The following NEDD4L variants were observed in gnomAD, a reference collection of about 807,000 sequenced individuals.
NEDD4L encodes the protein E3 ubiquitin-protein ligase NEDD4-like.
Under a neutral mutation model 148.9 loss-of-function variants are expected in NEDD4L, and 54 were observed. The observed-to-expected ratio is 0.36, with a 90% CI of 0.29 to 0.45. The LOEUF is 0.45. Ranked by LOEUF, NEDD4L falls within the 20% of genes least tolerant of loss-of-function variation. NEDD4L has a pLI of 1.00. For synonymous variants in NEDD4L, 433 were observed against 440.7 expected, an observed-to-expected ratio of 0.98 and a Z score of 0.22; for missense variants, 856 against 1,233.8, an observed-to-expected ratio of 0.69 and a Z score of 4.59.
intron 5 of NEDD4L, among the ~76,000 whole-genome samples, chr18:58,279,908 CA>C (rs2052745728): frequency 1.3e-5 from 2 of 152,136 alleles, no homozygotes; most frequent in African/African-American, 2.4e-5. Context: ...GGATGTTGAG[CA>C]GAGAAAAAGC....
intron 2 of NEDD4L, among the ~76,000 whole-genome samples, chr18:58,203,536 C>A (rs887840330): frequency 6.6e-6 from 1 of 151,704 alleles, no homozygotes; most frequent in Non-Finnish European, 1.5e-5. Context: ...AAGAGTTGAG[C>A]ATAACAATAT....
rs58442069 is a variant in NEDD4L at position 58,276,212 on chromosome 18, T to TGGG, written c.297+24159_297+24161dup. Among the ~76,000 whole-genome samples the TGGG allele has an allele frequency of 7.6e-3, 782 of 103,276 alleles. 14 individuals carry two copies. The highest frequency in any genetic ancestry group is 0.025 in the African/African-American group (700 of 27,550). 67.8% of individuals were successfully genotyped at this position (103,276 alleles called of 152,430 possible). A position where few individuals can be genotyped will look rare whatever the true frequency, so the allele number is the denominator to read the frequency against. ...CTTTTTCGTTTTTTTTTTTTTTTTT[T>TGGG]GGGTGGGGAGGGGGGTGGTTTTCTG... On this transcript the variant is annotated intron_variant, in intron 5 of 30. Transcript: ENST00000400345.
rs117287498 is a variant in NEDD4L at position 58,188,116 on chromosome 18, G to C, written c.122+22255G>C. 5.0e-4 allele frequency among the ~76,000 whole-genome samples: 76 copies of C among 152,316 alleles called. No homozygotes were observed. The East Asian group carries it at 0.012, about 23-fold the overall frequency. On this transcript the variant is annotated intron_variant, in intron 2 of 30. Coordinates refer to ENST00000400345, the MANE Select transcript of NEDD4L (RefSeq NM_001144967.3). Reference sequence around the variant, plus strand: ...CCTTCCAAGGGGATGTGCGGCCAACGCCTCTGTTCAGCGATAGTCCAGCTG... The same window carrying C: ...CCTTCCAAGGGGATGTGCGGCCAACCCCTCTGTTCAGCGATAGTCCAGCTG...
chr18:58,320,194 C>G (rs1300636128), intron 6 of NEDD4L, among the ~76,000 whole-genome samples: 3 of 152,234 alleles, frequency 2.0e-5, no homozygotes, highest in Non-Finnish European at 4.4e-5. Context: ...CTCATGCCCA[C>G]TGGTGATCCT....
intron 1 of NEDD4L, among the ~76,000 whole-genome samples, chr18:58,048,620 A>G (rs2081706763): frequency 6.6e-6 from 1 of 152,226 alleles, no homozygotes; most frequent in South Asian, 2.1e-4. Context: ...ATTATTTAAG[A>G]TAATGTAAGA....
intron 30 of NEDD4L, among the ~76,000 whole-genome samples, chr18:58,392,893 T>C (rs2050018198): frequency 6.6e-6 from 1 of 152,226 alleles, no homozygotes; most frequent in Non-Finnish European, 1.5e-5. Flanking sequence ...AGTCATCATC[T>C]GTGGTCAGGC....
intron 9 of NEDD4L, among the ~76,000 whole-genome samples, chr18:58,325,933 C>G (rs949417197): frequency 1.3e-5 from 2 of 151,998 alleles, no homozygotes; most frequent in African/African-American, 4.8e-5. Flanking sequence ...GAATTTTATC[C>G]TAGAAATTAT....
At chr18:58,163,960 G>A (rs1437897451) in intron 1 of NEDD4L, among the ~76,000 whole-genome samples, 7 of 151,766 alleles carry the variant, frequency 4.6e-5, no homozygotes, top group Admixed American at 3.3e-4. Flanking sequence ...GACTAAACAT[G>A]TTGGGTAAAT....
intron 5 of NEDD4L, among the ~76,000 whole-genome samples, chr18:58,263,415 G>T (rs561686349): frequency 1.3e-5 from 2 of 152,064 alleles, no homozygotes; most frequent in Admixed American, 6.6e-5. Context: ...GAGCCTACTT[G>T]CAACCCACAT....
chr18:58,396,313 C>A lies in NEDD4L; in HGVS notation c.*44C>A. On this transcript the variant is annotated 3_prime_UTR_variant, in exon 31 of 31. Coordinates refer to ENST00000400345, the MANE Select transcript of NEDD4L (RefSeq NM_001144967.3). Reference sequence around the variant, plus strand: ...GTGGTTGTTCTTCAAGCAAGTTCTGCTTGCACTTTTGCATTTGCCTAACAG... The same window carrying A: ...GTGGTTGTTCTTCAAGCAAGTTCTGATTGCACTTTTGCATTTGCCTAACAG... 7.3e-7 allele frequency: 1 copy of A among 1,366,108 alleles called. No homozygotes were observed. Among genetic ancestry groups the A allele is most frequent in the Non-Finnish European group, 1.0e-6 (1 of 965,026 alleles). The allele number at this position is 1,366,108 out of a possible 1,614,324, so 84.6% of individuals were successfully genotyped here. A position where few individuals can be genotyped will look rare whatever the true frequency, so the allele number is the denominator to read the frequency against.
At chr18:58,158,308 C>A (rs1483566362) in intron 1 of NEDD4L, among the ~76,000 whole-genome samples, 1 of 152,354 alleles carries the variant, frequency 6.6e-6, no homozygotes, top group Middle Eastern at 3.4e-3. Flanking sequence ...GTGACCTAAT[C>A]TCCAAAGTCA....
At chr18:58,308,886 C>A (rs2057354691) in intron 5 of NEDD4L, among the ~76,000 whole-genome samples, 1 of 152,230 alleles carries the variant, frequency 6.6e-6, no homozygotes, top group Non-Finnish European at 1.5e-5. Flanking sequence ...AGTGTACAAA[C>A]ACCTGCTGAC....
chr18:58,241,831 T>A (rs1376948816), intron 2 of NEDD4L, among the ~76,000 whole-genome samples: 1 of 152,064 alleles, frequency 6.6e-6, no homozygotes, highest in Non-Finnish European at 1.5e-5. Context: ...TTGGAAAGAC[T>A]GAAAGGTAGA....
In NEDD4L at chr18:58,323,339, G is replaced by C; in HGVS notation, c.513+5G>C. 2 of 1,500,250 alleles carry C rather than the reference G, an allele frequency of 1.3e-6. No individual in the cohort carries two copies. The highest frequency in any genetic ancestry group is 1.8e-6 in the Non-Finnish European group (2 of 1,087,078). The allele number at this position is 1,500,250 out of a possible 1,614,324, so 92.9% of individuals were successfully genotyped here. A position where few individuals can be genotyped will look rare whatever the true frequency, so the allele number is the denominator to read the frequency against. ...GACCAGAGGGATGACATGGAGGTAC[G>C]TGGAGGGCGTCAGGCCTCTCTCCTT... On this transcript the variant is annotated splice_donor_5th_base_variant and intron_variant, in intron 8 of 30. Coordinates refer to ENST00000400345, the MANE Select transcript of NEDD4L (RefSeq NM_001144967.3).
chr18:58,128,622 G>A (rs186851765), intron 1 of NEDD4L, among the ~76,000 whole-genome samples: 1 of 152,322 alleles, frequency 6.6e-6, no homozygotes, highest in Non-Finnish European at 1.5e-5. Flanking sequence ...TAGCAGGGAC[G>A]GATGCTGGAA....
At chr18:58,195,256 G>C in intron 2 of NEDD4L, 1 of 431,506 alleles carries the variant, frequency 2.3e-6, no homozygotes, top group Non-Finnish European at 4.0e-6. Context: ...CAAGTTGGCT[G>C]TTATCATAAC....
intron 1 of NEDD4L, among the ~76,000 whole-genome samples, chr18:58,154,907 AAAAC>A (rs2035274923): frequency 6.6e-6 from 1 of 152,258 alleles, no homozygotes; most frequent in Admixed American, 6.5e-5. Context: ...TGTAAATAGA[AAAAC>A]AAAAGTGATG....
intron 1 of NEDD4L, among the ~76,000 whole-genome samples, chr18:58,048,216 A>G (rs1344552947): frequency 6.6e-6 from 1 of 152,140 alleles, no homozygotes; most frequent in Non-Finnish European, 1.5e-5. Context: ...AGATCTGCTT[A>G]TAGGTGCCAG....
chr18:58,082,636 G>C (rs997173842), intron 1 of NEDD4L, among the ~76,000 whole-genome samples: 1 of 151,588 alleles, frequency 6.6e-6, no homozygotes, highest in Non-Finnish European at 1.5e-5. Context: ...GTCGGGCATG[G>C]TGGTGCATAC....
Sources: gnomAD v4.1 joint callset for allele counts (sites outside exome capture counted in the v4.1 genomes callset) on GRCh38, gnomAD v4.1.1 for gene constraint, MANE v1.5 for transcripts, NCBI Gene and HGNC (gene_info 2026-07-23, HGNC 2026-07-21) for gene names.